Variants in POLR1D observed in about 807,000 individuals in gnomAD.
The protein encoded by POLR1D is DNA-directed RNA polymerases I and III subunit RPAC2.
In POLR1D, 8 loss-of-function variants were observed where a neutral mutation model predicts 10.8. The ratio of observed to expected loss-of-function variants is 0.74; its 90% CI spans 0.43 to 1.33. The LOEUF (loss-of-function observed/expected upper bound fraction) is 1.33, where lower values mean the gene tolerates loss of function less well. POLR1D is among the 40% of genes most tolerant of loss of function. The probability of loss-of-function intolerance (pLI) is 0.01; values close to 1 mark genes in which losing one functional copy is unlikely to be tolerated. For synonymous variants in POLR1D, 54 were observed against 57.2 expected (o/e 0.94, Z 0.25); for missense variants, 152 against 161.7 (o/e 0.94, Z 0.32).
intron 2 of POLR1D, among the ~76,000 whole-genome samples, chr13:27,654,060 A>C (rs1009308001): frequency 1.3e-5 from 2 of 152,232 alleles, no homozygotes; most frequent in African/African-American, 2.4e-5. Context: ...TTACAGAGCA[A>C]GAACTATGAT....
At chr13:27,654,647 A>T (rs1371816711) in intron 2 of POLR1D, among the ~76,000 whole-genome samples, 1 of 152,230 alleles carries the variant, frequency 6.6e-6, no homozygotes, top group Non-Finnish European at 1.5e-5. Context: ...CATAATCTCA[A>T]GTACCAGAGT....
At chr13:27,634,514 C>T (rs1367110026) in intron 1 of POLR1D, among the ~76,000 whole-genome samples, 1 of 152,108 alleles carries the variant, frequency 6.6e-6, no homozygotes, top group East Asian at 1.9e-4. Context: ...ATTTGCCTCA[C>T]CAGGTAGGAA....
intron 2 of POLR1D, among the ~76,000 whole-genome samples, chr13:27,662,164 T>A (rs1956370344): frequency 6.6e-6 from 1 of 152,202 alleles, no homozygotes; most frequent in Non-Finnish European, 1.5e-5. Flanking sequence ...CTTTGGGATA[T>A]CTTGAGTTGC....
chr13:27,631,282 A>G (rs1215615062), intron 1 of POLR1D, among the ~76,000 whole-genome samples: 1 of 152,170 alleles, frequency 6.6e-6, no homozygotes, highest in African/African-American at 2.4e-5. Flanking sequence ...GCTCACTCAT[A>G]TGGGGCTGCT....
intron 1 of POLR1D, among the ~76,000 whole-genome samples, chr13:27,629,818 CTTGGTGCCAGGTATCTGGACTA>C (rs1461701037): frequency 2.0e-5 from 3 of 152,238 alleles, no homozygotes; most frequent in African/African-American, 7.2e-5. Context: ...GGGTACCTGG[CTTGGTGCCAGGTATCTGGACTA>C]TTGGTAGGTA....
intron 2 of POLR1D, among the ~76,000 whole-genome samples, chr13:27,653,826 G>A (rs1377588433): frequency 6.6e-6 from 1 of 152,182 alleles, no homozygotes; most frequent in Admixed American, 6.5e-5. Context: ...CTGGCTTATA[G>A]AAGACACCTG....
chr13:27,643,210 C>T (rs1209307924), intron 1 of POLR1D, among the ~76,000 whole-genome samples: 5 of 152,132 alleles, frequency 3.3e-5, no homozygotes, highest in African/African-American at 1.2e-4. Context: ...TTAGCAAGTG[C>T]GTAATGTAGA....
At chr13:27,638,612 G>C (rs1057460377) in intron 1 of POLR1D, among the ~76,000 whole-genome samples, 1 of 151,988 alleles carries the variant, frequency 6.6e-6, no homozygotes. Flanking sequence ...ATCTACAAGG[G>C]GTGGACAGCT....
downstream of POLR1D, among the ~76,000 whole-genome samples, chr13:27,624,663 G>A (rs1197337586): frequency 6.6e-6 from 1 of 152,090 alleles, no homozygotes; most frequent in Non-Finnish European, 1.5e-5. Flanking sequence ...AAGGTGGGAG[G>A]ATCACTTGAG....
chr13:27,646,816 T>C (rs963962597), intron 1 of POLR1D, among the ~76,000 whole-genome samples: 3 of 152,172 alleles, frequency 2.0e-5, no homozygotes, highest in Non-Finnish European at 4.4e-5. Flanking sequence ...GCAGGATAAT[T>C]TAGAAGACTG....
chr13:27,654,416 T>C (rs1000808623), intron 2 of POLR1D, among the ~76,000 whole-genome samples: 1 of 152,230 alleles, frequency 6.6e-6, no homozygotes. Flanking sequence ...GTAAATATCA[T>C]CACCAATCTC....
chr13:27,666,527 A>G (rs561864229), exon 3 of POLR1D: 12 of 152,296 alleles, frequency 7.9e-5, no homozygotes, highest in Non-Finnish European at 1.6e-4. Context: ...TTCAGTTACC[A>G]GAGGTTAAAA....
intron 2 of POLR1D, among the ~76,000 whole-genome samples, chr13:27,659,784 A>G (rs1455173817): frequency 6.6e-6 from 1 of 152,028 alleles, no homozygotes; most frequent in East Asian, 1.9e-4. Flanking sequence ...TCTGCTTCTG[A>G]ACTTTGACTT....
rs1294065662 is a variant in POLR1D, at chr13:27,622,946, C to T, written c.98C>T (p.Ala33Val). The T allele has an allele frequency of 1.9e-6, 3 of 1,613,362 alleles. No individual in the cohort carries two copies. Among genetic ancestry groups the T allele is most frequent in the Non-Finnish European group, 2.5e-6 (3 of 1,179,312 alleles). Residue 33 changes from alanine to valine, a missense_variant, in exon 2 of 2, where the codon GCT (alanine) becomes GTT (valine). Transcript: ENST00000302979. ...ACAGCCCTGGAAATGGTCCAGGCAG[C>T]TGGAACAGATAGACACTGTGTGACA... is the stretch of plus-strand genomic sequence containing the variant. ...RKTALEMVQAAGTDRHCVTFV... is the reference protein window; with the variant it reads ...RKTALEMVQAVGTDRHCVTFV...
intron 1 of POLR1D, among the ~76,000 whole-genome samples, chr13:27,630,655 A>T (rs1267751579): frequency 6.6e-6 from 1 of 152,226 alleles, no homozygotes; most frequent in Non-Finnish European, 1.5e-5. Context: ...GGCTGATAGT[A>T]ACACCTACTT....
chr13:27,650,188 G>A, intron 2 of POLR1D: 1 of 396,778 alleles, frequency 2.5e-6, no homozygotes, highest in East Asian at 3.6e-5. Flanking sequence ...GCCAAGCAAG[G>A]AAGCTCATCT....
At position 27,621,996 on chromosome 13, in the gene POLR1D, C is replaced by G; in HGVS notation, c.13C>G (p.Gln5Glu). 1 of 1,592,236 alleles carries G rather than the reference C, an allele frequency of 6.3e-7. No individual in the cohort carries two copies. The highest frequency in any genetic ancestry group is 8.5e-7 in the Non-Finnish European group (1 of 1,169,662). The part of the protein sequence containing the change: MEED[Q>E]ELERKISGLK... ...AACCGCCCCAGCGATGGAAGAGGATCAGGAGCTGGAGAGGTAACGGCCGAG... is the reference window on the plus strand; with the variant it reads ...AACCGCCCCAGCGATGGAAGAGGATGAGGAGCTGGAGAGGTAACGGCCGAG... The change falls in exon 1 of 2, where the codon CAG (glutamine) becomes GAG (glutamate). Residue 5 changes from glutamine (Q) to glutamate (E), a missense_variant. Coordinates refer to ENST00000302979, the MANE Select transcript of POLR1D (RefSeq NM_015972.4).
chr13:27,666,216 G>T (rs1250569283), exon 3 of POLR1D: 5 of 397,474 alleles, frequency 1.3e-5, no homozygotes, highest in Non-Finnish European at 2.2e-5. Flanking sequence ...TATCTTGTTT[G>T]GAAGTGTGTT....
At chr13:27,636,977 G>A (rs1220489890) in intron 1 of POLR1D, among the ~76,000 whole-genome samples, 1 of 152,282 alleles carries the variant, frequency 6.6e-6, no homozygotes, top group Non-Finnish European at 1.5e-5. Flanking sequence ...TTAAAACAAT[G>A]CATAGTTAAA....
Sources: allele counts gnomAD v4.1 joint callset (sites outside exome capture counted in the v4.1 genomes callset), GRCh38; gene constraint gnomAD v4.1.1; transcripts MANE v1.5; gene names NCBI Gene and HGNC (gene_info 2026-07-23, HGNC 2026-07-21).